The following SULT2B1 variants were observed in gnomAD, a reference collection of about 807,000 sequenced individuals.
SULT2B1 encodes the protein sulfotransferase 2B1.
A neutral mutation model predicts 33.2 loss-of-function variants in SULT2B1; 16 were observed. The observed-to-expected ratio is 0.48, with a 90% CI of 0.33 to 0.73. SULT2B1 has a LOEUF of 0.73. Ranked by LOEUF, SULT2B1 falls within the 30% of genes least tolerant of loss-of-function variation. The probability of loss-of-function intolerance (pLI) is 0.02; values close to 1 mark genes in which losing one functional copy is unlikely to be tolerated. For synonymous variants in SULT2B1, 186 were observed against 200.5 expected (o/e 0.93, Z 0.61); for missense variants, 500 against 506.0 (o/e 0.99, Z 0.11).
chr19:48,576,122 T>G (rs761715840), intron 2 of SULT2B1, 39 bp downstream of exon 2: 33 of 1,436,746 alleles, frequency 2.3e-5, no homozygotes, highest in African/African-American at 5.8e-5. Flanking sequence ...CTGGGGAGAG[T>G]GGGGAGGGGG....
At chr19:48,574,805 T>A (rs1258773514) in intron 1 of SULT2B1, among the ~76,000 whole-genome samples, 1 of 152,180 alleles carries the variant, frequency 6.6e-6, no homozygotes, top group Non-Finnish European at 1.5e-5. Context: ...TGGCTAATCC[T>A]CCTGAAAACT....
chr19:48,599,224 A>G lies in SULT2B1; in HGVS notation c.916A>G (p.Thr306Ala). 2 of 1,608,076 alleles carry G rather than the reference A, an allele frequency of 1.2e-6. No homozygotes were observed. The highest frequency in any genetic ancestry group is 1.7e-6 in the Non-Finnish European group (2 of 1,178,346). Residue 306 changes from threonine (T) to alanine (A), a missense_variant, in exon 7 of 7, where the codon ACC becomes GCC. Physicochemically the swap from Thr to Ala is moderately conservative, Grantham distance 58. Transcript: ENST00000201586. The surrounding 1 kb of genome is among the most constrained non-coding windows in gnomAD (Gnocchi z 4.1). ...CCGCAAGCAGATGCGGGGGATGCCG[A>G]CCTTCCCCTGGGATGAAGACCCGGA... The part of the protein sequence containing the change: ...AYRKQMRGMP[T>A]FPWDEDPEED...
chr19:48,592,843 G>T (rs1381709449), intron 5 of SULT2B1, 27 bp downstream of exon 5: 2 of 1,543,170 alleles, frequency 1.3e-6, no homozygotes, highest in African/African-American at 2.7e-5. Context: ...TCCAGGTGCA[G>T]CGTCCCCCCC....
chr19:48,577,911 T>C lies in SULT2B1; in HGVS notation c.214+1828T>C, dbSNP rs141709924. On this transcript the variant is annotated intron_variant, in intron 2 of 6. Coordinates refer to ENST00000201586, the MANE Select transcript of SULT2B1 (RefSeq NM_177973.2). ...TGACACTATGATTGGTGGCAATAAATGCTGTGAAGAAAAGTAGAGGGTAGG... is the reference window on the plus strand; with the variant it reads ...TGACACTATGATTGGTGGCAATAAACGCTGTGAAGAAAAGTAGAGGGTAGG... 1.0e-3 allele frequency among the ~76,000 whole-genome samples: 159 copies of C among 152,218 alleles called. 2 individuals are homozygous for C. Among genetic ancestry groups the C allele is most frequent in the Admixed American group, 2.2e-3 (33 of 15,258 alleles).
At chr19:48,559,112 C>G (rs1356264996) in intron 1 of SULT2B1, among the ~76,000 whole-genome samples, 1 of 152,130 alleles carries the variant, frequency 6.6e-6, no homozygotes, top group Non-Finnish European at 1.5e-5. Context: ...GGGGCCAGCA[C>G]TAGCGGATGC....
At chr19:48,577,248 G>C (rs1220117508) in intron 2 of SULT2B1, among the ~76,000 whole-genome samples, 1 of 148,718 alleles carries the variant, frequency 6.7e-6, no homozygotes, top group African/African-American at 2.5e-5. Flanking sequence ...GTAGAGACAG[G>C]GTTTCACCAT....
Position 48,599,327 on chromosome 19 carries a change from A to G in SULT2B1, c.1019A>G (p.Glu340Gly). 3.1e-6 allele frequency: 5 copies of G among 1,601,604 alleles called. No homozygotes were observed. The highest frequency in any genetic ancestry group is 4.3e-6 in the Non-Finnish European group (5 of 1,173,986). ...KPSLEPNTSL[E>G]REPRPNSSPS... ...AGCCTTGAGCCCAACACCAGCCTGG[A>G]GCGTGAGCCCAGACCCAACTCCAGC... Residue 340 changes from glutamate to glycine, a missense_variant, in exon 7 of 7, where the codon GAG becomes GGG. Glu to Gly is a moderately conservative substitution (Grantham distance 98). Coordinates refer to ENST00000201586, the MANE Select transcript of SULT2B1 (RefSeq NM_177973.2). This position sits in a 1 kb window ranked among gnomAD's most constrained non-coding sequence, Gnocchi z 4.1.
At chr19:48,597,742 C>G (rs1973740153) in intron 6 of SULT2B1, among the ~76,000 whole-genome samples, 1 of 151,330 alleles carries the variant, frequency 6.6e-6, no homozygotes, top group African/African-American at 2.4e-5. Context: ...CTCCCAGGTT[C>G]AAGCAATTCT....
chr19:48,590,083 G>A (rs1338168507), intron 3 of SULT2B1, among the ~76,000 whole-genome samples: 4 of 152,018 alleles, frequency 2.6e-5, no homozygotes, highest in Non-Finnish European at 4.4e-5. Flanking sequence ...TGCCTCCAGG[G>A]TTCAAGCGAT....
chr19:48,571,904 T>C (rs2544797), intron 1 of SULT2B1, among the ~76,000 whole-genome samples: 98,822 of 151,872 alleles, frequency 0.65, 32,554 homozygotes, highest in African/African-American at 0.76. Context: ...TGAGGCACCA[T>C]GCCCGGCTGC....
intron 5 of SULT2B1, 100 bp from the exon 6 acceptor site, chr19:48,596,639 G>A (rs11881377): frequency 1.5e-6 from 2 of 1,304,694 alleles, no homozygotes; most frequent in African/African-American, 3.0e-5. Context: ...GCGTCCCTCA[G>A]GCAGCCCCAG....
chr19:48,579,620 T>TC (rs1345974351), intron 2 of SULT2B1, among the ~76,000 whole-genome samples: 2 of 146,656 alleles, frequency 1.4e-5, no homozygotes, highest in African/African-American at 5.0e-5. Context: ...TTTTTTTTTT[T>TC]TTTGAGACGA....
At chr19:48,591,854 G>T in intron 4 of SULT2B1, 119 bp downstream of exon 4, 1 of 1,248,110 alleles carries the variant, frequency 8.0e-7, no homozygotes, top group Non-Finnish European at 1.1e-6. Context: ...GGCATCAAAA[G>T]GGGCAATAGA....
intron 6 of SULT2B1, among the ~76,000 whole-genome samples, chr19:48,598,485 G>A (rs749314801): frequency 6.6e-6 from 1 of 152,054 alleles, no homozygotes; most frequent in African/African-American, 2.4e-5. Context: ...CCAGTTACTC[G>A]GGAGGCTGAG....
intron 2 of SULT2B1, among the ~76,000 whole-genome samples, chr19:48,577,308 G>A (rs1379342249): frequency 7.2e-6 from 1 of 138,440 alleles, no homozygotes; most frequent in Non-Finnish European, 1.5e-5. Context: ...ACCAGCCTTG[G>A]CCTCCCAAAG....
chr19:48,559,348 T>TTTTTG (rs10577756), intron 1 of SULT2B1, among the ~76,000 whole-genome samples: 3,850 of 148,810 alleles, frequency 0.026, 76 homozygotes, highest in South Asian at 0.072. Flanking sequence ...TTGGTTTTGT[T>TTTTTG]TTTTGTTTTG....
intron 3 of SULT2B1, among the ~76,000 whole-genome samples, chr19:48,588,760 G>A (rs1455541525): frequency 6.6e-6 from 1 of 151,900 alleles, no homozygotes; most frequent in Non-Finnish European, 1.5e-5. Context: ...GTAAAAACCC[G>A]GGAGGTGATG....
At chr19:48,578,379 C>T (rs141246645) in intron 2 of SULT2B1, among the ~76,000 whole-genome samples, 3,464 of 152,126 alleles carry the variant, frequency 0.023, 67 homozygotes, top group Middle Eastern at 0.037. Flanking sequence ...CCTAGGCGTT[C>T]GAGAGCAGCC....
chr19:48,565,839 C>A (rs1287710658), intron 1 of SULT2B1, among the ~76,000 whole-genome samples: 1 of 152,094 alleles, frequency 6.6e-6, no homozygotes, highest in African/African-American at 2.4e-5. Flanking sequence ...GAAGCCTCGA[C>A]CTCCCCAGCT....
Sources: allele counts gnomAD v4.1 joint callset (sites outside exome capture counted in the v4.1 genomes callset), GRCh38; gene constraint gnomAD v4.1.1; non-coding constraint Gnocchi (gnomAD v3.1); transcripts MANE v1.5; gene names NCBI Gene and HGNC (gene_info 2026-07-23, HGNC 2026-07-21).